Variants in CELF4 observed in about 807,000 individuals in gnomAD.
The protein encoded by CELF4 is CUGBP Elav-like family member 4, also known as CUG-BP- and ETR-3-like factor 4.
In CELF4, 18 loss-of-function variants were observed where a neutral mutation model predicts 59.9. The observed-to-expected ratio is 0.30, with a 90% confidence interval of 0.21 to 0.45. The LOEUF is 0.45. Ranked by LOEUF, CELF4 falls within the 20% of genes least tolerant of loss-of-function variation. The pLI is 1.00. For missense variants in CELF4, 456 were observed against 689.0 expected, an observed-to-expected ratio of 0.66 and a Z score of 3.79; for synonymous variants, 261 against 267.1, an observed-to-expected ratio of 0.98 and a Z score of 0.22.
At chr18:37,444,473 C>T (rs1001577516) in intron 2 of CELF4, among the ~76,000 whole-genome samples, 1 of 152,054 alleles carries the variant, frequency 6.6e-6, no homozygotes, top group African/African-American at 2.4e-5. Context: ...ATGGTGAGGT[C>T]ACTTATGAAT....
chr18:37,551,207 C>T (rs1012750905), intron 1 of CELF4, among the ~76,000 whole-genome samples: 1 of 152,086 alleles, frequency 6.6e-6, no homozygotes, highest in African/African-American at 2.4e-5. Flanking sequence ...TCTGTTCTCC[C>T]CTGAGAAATC....
chr18:37,445,938 C>T (rs561273852), intron 2 of CELF4, among the ~76,000 whole-genome samples: 39 of 152,308 alleles, frequency 2.6e-4, no homozygotes, highest in Non-Finnish European at 4.6e-4. Flanking sequence ...CCAGGCCCCA[C>T]GTGGACCCAG....
intron 2 of CELF4, among the ~76,000 whole-genome samples, chr18:37,395,202 C>T (rs2099228318): frequency 6.6e-6 from 1 of 152,164 alleles, no homozygotes; most frequent in Admixed American, 6.5e-5. Context: ...GGCTCACTTT[C>T]TCCTGCAGTC....
chr18:37,501,259 A>G (rs1000090418), intron 1 of CELF4, among the ~76,000 whole-genome samples: 7 of 152,258 alleles, frequency 4.6e-5, no homozygotes, highest in African/African-American at 1.7e-4. Flanking sequence ...CACCTTATCT[A>G]TAAAATCTCT....
chr18:37,473,623 C>T (rs1465769511), intron 2 of CELF4: 1 of 152,240 alleles, frequency 6.6e-6, no homozygotes. Context: ...CTCTTGTCCA[C>T]ACCCTAAGAC....
intron 2 of CELF4, among the ~76,000 whole-genome samples, chr18:37,466,708 T>C (rs1351443014): frequency 2.0e-5 from 3 of 152,056 alleles, no homozygotes; most frequent in Non-Finnish European, 4.4e-5. Flanking sequence ...GAGCACAGTC[T>C]AGGGTGGAGC....
intron 2 of CELF4, among the ~76,000 whole-genome samples, chr18:37,374,426 A>G (rs1361989381): frequency 6.6e-6 from 1 of 151,388 alleles, no homozygotes; most frequent in Non-Finnish European, 1.5e-5. Flanking sequence ...CATATTCCCT[A>G]CCCTTCTGGA....
intron 3 of CELF4, among the ~76,000 whole-genome samples, chr18:37,295,138 C>T (rs183091956): frequency 3.9e-5 from 6 of 152,280 alleles, no homozygotes; most frequent in Admixed American, 6.5e-5. Context: ...CAGGAGGGGG[C>T]GCCCTGAAAG....
intron 2 of CELF4, among the ~76,000 whole-genome samples, chr18:37,348,459 G>A (rs935367266): frequency 2.0e-5 from 3 of 152,108 alleles, no homozygotes; most frequent in Admixed American, 6.6e-5. Context: ...AGGCGCTTCC[G>A]GGCACGGACC....
At chr18:37,263,373 G>A (rs1441221040) in intron 10 of CELF4, among the ~76,000 whole-genome samples, 2 of 152,128 alleles carry the variant, frequency 1.3e-5, no homozygotes, top group African/African-American at 2.4e-5. Flanking sequence ...CTCTTTCCAG[G>A]ACTAACCTAC....
intron 1 of CELF4, among the ~76,000 whole-genome samples, chr18:37,517,226 C>T (rs917039145): frequency 1.3e-5 from 2 of 152,216 alleles, no homozygotes; most frequent in African/African-American, 4.8e-5. Context: ...ATGTCCAGAG[C>T]TAAGTCTGAG....
chr18:37,453,661 G>C (rs753576143), intron 2 of CELF4, among the ~76,000 whole-genome samples: 1 of 152,108 alleles, frequency 6.6e-6, no homozygotes, highest in Non-Finnish European at 1.5e-5. Flanking sequence ...ACAGAGCATC[G>C]GGGGTCAATG....
chr18:37,530,623 G>A (rs1386184897), intron 1 of CELF4, among the ~76,000 whole-genome samples: 2 of 152,198 alleles, frequency 1.3e-5, no homozygotes, highest in African/African-American at 2.4e-5. Flanking sequence ...CCCTCAGTCC[G>A]ATGGGGTAGG....
chr18:37,417,916 T>C lies in CELF4; in HGVS notation c.369+67609A>G, dbSNP rs368956457. Reference sequence around the variant, plus strand: ...AATGAGTCATGTGATTGATAGCTTATGGGTCTGAAGGATGTTTGGGGTCAA... The same window carrying C: ...AATGAGTCATGTGATTGATAGCTTACGGGTCTGAAGGATGTTTGGGGTCAA... On this transcript the variant is annotated intron_variant, in intron 2 of 12. Transcript: ENST00000420428. Among the ~76,000 whole-genome samples, 37 of 152,348 alleles carry C rather than the reference T, an allele frequency of 2.4e-4. No homozygotes were observed. In the East Asian group the frequency reaches 2.7e-3, roughly 11 times the overall value.
chr18:37,473,581 T>C (rs1037495126), intron 2 of CELF4: 1 of 152,248 alleles, frequency 6.6e-6, no homozygotes, highest in African/African-American at 2.4e-5. Flanking sequence ...GGAATAAACA[T>C]GCAGAGTTAG....
intron 2 of CELF4, among the ~76,000 whole-genome samples, chr18:37,451,748 C>T (rs764748113): frequency 1.6e-4 from 24 of 152,176 alleles, no homozygotes; most frequent in African/African-American, 2.2e-4. Context: ...CGTGGGACAG[C>T]GCTGAGCGGC....
intron 1 of CELF4, among the ~76,000 whole-genome samples, chr18:37,543,719 G>T (rs2099979360): frequency 6.6e-6 from 1 of 152,180 alleles, no homozygotes; most frequent in Non-Finnish European, 1.5e-5. Context: ...TTGTCATCTT[G>T]TTTATTTTTT....
At chr18:37,270,938 G>A in intron 7 of CELF4, 21 bp from the exon 8 acceptor site, 1 of 1,578,600 alleles carries the variant, frequency 6.3e-7, no homozygotes, top group Non-Finnish European at 8.6e-7. Flanking sequence ...GCATACAGAA[G>A]GGTGGAGGAG....
chr18:37,488,402 G>A (rs562953210), intron 1 of CELF4, among the ~76,000 whole-genome samples: 7 of 152,226 alleles, frequency 4.6e-5, no homozygotes, highest in East Asian at 3.9e-4. Context: ...AGGCTAATAC[G>A]TATTCCTTGA....
Sources: allele counts gnomAD v4.1 joint callset (sites outside exome capture counted in the v4.1 genomes callset), GRCh38; gene constraint gnomAD v4.1.1; transcripts MANE v1.5; gene names NCBI Gene and HGNC (gene_info 2026-07-23, HGNC 2026-07-21).